The following LGR4 variants were observed in gnomAD, a reference collection of about 807,000 sequenced individuals.
The protein encoded by LGR4 is leucine rich repeat containing G protein-coupled receptor 4, also known as leucine-rich repeat-containing G protein-coupled receptor 4.
Under a neutral mutation model 84.8 loss-of-function variants are expected in LGR4, and 44 were observed. The observed-to-expected ratio is 0.52, with a 90% CI of 0.41 to 0.67. LGR4 has a LOEUF of 0.67. Ranked by LOEUF, LGR4 falls within the 30% of genes least tolerant of loss-of-function variation. The pLI, the probability that LGR4 is intolerant of heterozygous loss-of-function variation, is 0.00. For synonymous variants in LGR4, 429 were observed against 434.3 expected, an observed-to-expected ratio of 0.99 and a Z score of 0.15; for missense variants, 1,032 against 1,131.4, an observed-to-expected ratio of 0.91 and a Z score of 1.26.
Position 27,389,912 on chromosome 11 carries a change from A to G in LGR4, c.401+1182T>C, listed in dbSNP as rs529497698. Among the ~76,000 whole-genome samples, 5 of 152,304 alleles carry G rather than the reference A, an allele frequency of 3.3e-5. No individual in the cohort carries two copies. In the East Asian group the frequency reaches 9.6e-4, roughly 29 times the overall value. The stretch of plus-strand genomic sequence containing the variant: ...GGTGAAAAACAAATCCTTATGTTCC[A>G]TAACTTACCATTTTAGTGAAGGAAG... On this transcript the variant is annotated intron_variant, in intron 4 of 17. Transcript: ENST00000379214.
Position 27,463,055 on chromosome 11 carries a change from A to G in LGR4, c.185+9063T>C, listed in dbSNP as rs1317825263. Among the ~76,000 whole-genome samples the G allele has an allele frequency of 4.9e-5, 6 of 122,312 alleles. No homozygotes were observed. The Admixed American group carries it at 5.9e-4, about 12-fold the overall frequency. 80.2% of individuals were successfully genotyped at this position (122,312 alleles called of 152,430 possible). A position where few individuals can be genotyped will look rare whatever the true frequency, so the allele number is the denominator to read the frequency against. ...CAAGACCAACCTGGGCAACATGGTG[A>G]GACCCTGTCTCCAAAAAAAAAAAAA... On this transcript the variant is annotated intron_variant, in intron 1 of 17. Transcript: ENST00000379214.
chr11:27,410,256 A>T (rs1310539714), intron 2 of LGR4, among the ~76,000 whole-genome samples: 1 of 152,148 alleles, frequency 6.6e-6, no homozygotes, highest in Non-Finnish European at 1.5e-5. Flanking sequence ...ATAGAGTAGG[A>T]TTCAGAGTTT....
In LGR4 at chr11:27,372,411, G is replaced by T. The variant is rs763528424; in HGVS notation, c.1380-13C>A. 2 of 1,514,634 alleles carry T rather than the reference G, an allele frequency of 1.3e-6. No individual in the cohort carries two copies. The highest frequency in any genetic ancestry group is 1.8e-6 in the Non-Finnish European group (2 of 1,090,088). 93.8% of individuals were successfully genotyped at this position (1,514,634 alleles called of 1,614,324 possible). ...TACTGATAAAGACCTGGAAAAAAAA[G>T]TTGTAAAATCTACACTGAACAGCAA... is the stretch of plus-strand genomic sequence containing the variant. On this transcript the variant is annotated splice_polypyrimidine_tract_variant and intron_variant, in intron 15 of 17. Transcript: ENST00000379214.
chr11:27,376,449 T>G, intron 12 of LGR4, 79 bp from the exon 13 acceptor site: 3 of 661,876 alleles, frequency 4.5e-6, no homozygotes, highest in Non-Finnish European at 7.7e-6. Flanking sequence ...GAGAAAGGGA[T>G]AGAGAAAAAG....
chr11:27,426,889 G>A (rs1374763497), intron 1 of LGR4, among the ~76,000 whole-genome samples: 1 of 152,164 alleles, frequency 6.6e-6, no homozygotes, highest in Admixed American at 6.5e-5. Flanking sequence ...ATATGCTTTG[G>A]AATTTGGGAA....
chr11:27,467,274 A>C (rs1468075918), intron 1 of LGR4, among the ~76,000 whole-genome samples: 1 of 152,124 alleles, frequency 6.6e-6, no homozygotes. Flanking sequence ...GAATGTATAA[A>C]AATCAAAATA....
At chr11:27,445,628 A>C (rs752195356) in intron 1 of LGR4, among the ~76,000 whole-genome samples, 9 of 152,126 alleles carry the variant, frequency 5.9e-5, no homozygotes, top group Non-Finnish European at 1.3e-4. Context: ...CCTGTAATCC[A>C]AGCATTTTGG....
chr11:27,472,457 C>A lies in LGR4; in HGVS notation c.-155G>T, dbSNP rs1864898203. 2.2e-6 allele frequency: 1 copy of A among 456,472 alleles called. No homozygotes were observed. The highest frequency in any genetic ancestry group is 3.5e-6 in the Non-Finnish European group (1 of 283,320). 28.3% of individuals were successfully genotyped at this position (456,472 alleles called of 1,614,324 possible). On this transcript the variant is annotated 5_prime_UTR_variant, in exon 1 of 18. Coordinates refer to ENST00000379214, the MANE Select transcript of LGR4 (RefSeq NM_018490.5). ...CGGGCTCGGCCCCTTCAGCAGTCCG[C>A]CGCAGCGGCGCAGGGACGCGGCGCT...
At chr11:27,385,569 A>C in intron 4 of LGR4, 101 bp from the exon 5 acceptor site, 1 of 685,066 alleles carries the variant, frequency 1.5e-6, no homozygotes, top group East Asian at 2.8e-5. Context: ...AGGACTTATA[A>C]AAATTATCAT....
intron 1 of LGR4, among the ~76,000 whole-genome samples, chr11:27,440,336 C>G (rs773854582): frequency 6.6e-6 from 1 of 152,074 alleles, no homozygotes; most frequent in Non-Finnish European, 1.5e-5. Context: ...GAAAGCCAAC[C>G]CAGACCGCAG....
At chr11:27,369,243 T>C (rs994850775) in intron 17 of LGR4, 100 bp from the exon 18 acceptor site, 38 of 928,444 alleles carry the variant, frequency 4.1e-5, no homozygotes, top group Non-Finnish European at 5.7e-5. Context: ...TATAGACTAA[T>C]TAAATCTGCT....
chr11:27,388,748 G>T (rs1468711923), intron 4 of LGR4, among the ~76,000 whole-genome samples: 2 of 152,008 alleles, frequency 1.3e-5, no homozygotes. Context: ...CTTTCTCTCT[G>T]TTCTAACTTA....
intron 1 of LGR4, among the ~76,000 whole-genome samples, chr11:27,449,078 G>A (rs1294476181): frequency 6.6e-5 from 10 of 152,090 alleles, no homozygotes; most frequent in Non-Finnish European, 1.5e-4. Context: ...AAAACTATCA[G>A]AAGTCAAGAC....
chr11:27,432,609 A>G (rs1864133706), intron 1 of LGR4, among the ~76,000 whole-genome samples: 1 of 152,204 alleles, frequency 6.6e-6, no homozygotes, highest in Non-Finnish European at 1.5e-5. Context: ...TACAGACAGC[A>G]GCAAATATTT....
Position 27,394,331 on chromosome 11 carries a change from T to G in LGR4, c.258-1813A>C, listed in dbSNP as rs1426137247. 2.6e-5 allele frequency among the ~76,000 whole-genome samples: 4 copies of G among 152,304 alleles called. No individual in the cohort carries two copies. The South Asian group carries it at 8.3e-4, about 32-fold the overall frequency. On this transcript the variant is annotated intron_variant, in intron 2 of 17. Coordinates refer to ENST00000379214, the MANE Select transcript of LGR4 (RefSeq NM_018490.5). Reference sequence around the variant, plus strand: ...CTTCAGTTGCTTCCATTTTAAAATATTTCTCTTTAGCAAATCCTCTTGGTT... The same window carrying G: ...CTTCAGTTGCTTCCATTTTAAAATAGTTCTCTTTAGCAAATCCTCTTGGTT...
chr11:27,428,059 G>A (rs1864054864), intron 1 of LGR4, among the ~76,000 whole-genome samples: 1 of 151,950 alleles, frequency 6.6e-6, no homozygotes, highest in South Asian at 2.1e-4. Flanking sequence ...AAGAGTCGGG[G>A]GGTGGAAGTA....
At chr11:27,403,999 A>G (rs1191087719) in intron 2 of LGR4, among the ~76,000 whole-genome samples, 3 of 152,208 alleles carry the variant, frequency 2.0e-5, no homozygotes, top group Admixed American at 2.0e-4. Context: ...GCACATATTT[A>G]TTGTATTGAA....
intron 4 of LGR4, among the ~76,000 whole-genome samples, chr11:27,389,152 T>C (rs1863236020): frequency 6.6e-6 from 1 of 152,150 alleles, no homozygotes; most frequent in Non-Finnish European, 1.5e-5. Flanking sequence ...CAAGTGCTGA[T>C]AAGACTGTTT....
At chr11:27,377,826 T>A (rs972641692) in intron 11 of LGR4, among the ~76,000 whole-genome samples, 2 of 152,212 alleles carry the variant, frequency 1.3e-5, no homozygotes, top group Non-Finnish European at 2.9e-5. Context: ...ATTATAGTCA[T>A]GACCCAAATA....
Sources: gnomAD v4.1 joint callset for allele counts (sites outside exome capture counted in the v4.1 genomes callset) on GRCh38, gnomAD v4.1.1 for gene constraint, MANE v1.5 for transcripts, NCBI Gene and HGNC (gene_info 2026-07-23, HGNC 2026-07-21) for gene names.